NAV2: variants seen among roughly 807,000 people sequenced by gnomAD.
The protein encoded by NAV2 is helicase, APC down-regulated 1.
NAV2 carries 54 observed loss-of-function variants against 223.2 expected under a neutral mutation model. The observed-to-expected ratio is 0.24, with a 90% CI of 0.19 to 0.30. The LOEUF is 0.30. Among genes scored for constraint, NAV2 ranks in the 10% least tolerant of loss-of-function variants. NAV2 has a pLI of 1.00. For synonymous variants in NAV2, 1,279 were observed against 1,239.3 expected (o/e 1.03, Z -0.67); for missense variants, 2,806 against 3,147.5 (o/e 0.89, Z 2.60).
intron 1 of NAV2, among the ~76,000 whole-genome samples, chr11:19,604,302 G>T (rs925355629): frequency 1.3e-5 from 2 of 152,016 alleles, no homozygotes; most frequent in Non-Finnish European, 2.9e-5. Flanking sequence ...GGCTTGGACT[G>T]GGGGGGCATC....
chr11:20,078,798 T>C (rs1006598230), intron 24 of NAV2, among the ~76,000 whole-genome samples: 2 of 152,210 alleles, frequency 1.3e-5, no homozygotes, highest in Non-Finnish European at 2.9e-5. Context: ...TCCTTGTGTA[T>C]CTTGGGGTAA....
At chr11:19,872,010 T>G (rs2062542239) in intron 4 of NAV2, among the ~76,000 whole-genome samples, 1 of 152,152 alleles carries the variant, frequency 6.6e-6, no homozygotes, top group African/African-American at 2.4e-5. Context: ...CTTCTTATAT[T>G]TTTTGGAGGT....
intron 19 of NAV2, among the ~76,000 whole-genome samples, chr11:20,060,675 C>T (rs943665322): frequency 3.3e-5 from 5 of 152,150 alleles, no homozygotes; most frequent in Non-Finnish European, 7.3e-5. Context: ...TGGCAGTCTG[C>T]GAAATGAGGA....
At position 19,664,042 on chromosome 11, in the gene NAV2, C is replaced by T. The variant is rs143983539; in HGVS notation, c.76-168442C>T. ...CACAAGAAGGCCACTATCAACTTAT[C>T]TGTTCTGTTATGTGAAAGGAAGCCT... On this transcript the variant is annotated intron_variant, in intron 1 of 37. Coordinates refer to the NAV2 transcript ENST00000360655. Among the ~76,000 whole-genome samples the T allele has an allele frequency of 4.1e-4, 63 of 152,358 alleles. 1 individual carries two copies. In the East Asian group the frequency reaches 0.012, roughly 28 times the overall value.
chr11:19,691,320 T>C (rs529247071), intron 1 of NAV2, among the ~76,000 whole-genome samples: 6 of 152,244 alleles, frequency 3.9e-5, no homozygotes, highest in Middle Eastern at 3.4e-3. Flanking sequence ...ATATCCAAAA[T>C]ATTCCCATTT....
chr11:19,849,868 G>A (rs183647635), intron 3 of NAV2, among the ~76,000 whole-genome samples: 246 of 152,256 alleles, frequency 1.6e-3, no homozygotes, highest in African/African-American at 5.6e-3. Context: ...GTTGGCCATC[G>A]TTCATTGTCT....
At chr11:19,941,573 T>C (rs1307019746) in intron 8 of NAV2, among the ~76,000 whole-genome samples, 1 of 152,052 alleles carries the variant, frequency 6.6e-6, no homozygotes, top group Non-Finnish European at 1.5e-5. Context: ...TTCTTCCTCT[T>C]ACTTATGCAA....
At chr11:19,527,764 C>T (rs79244686) in intron 1 of NAV2, among the ~76,000 whole-genome samples, 4,094 of 152,274 alleles carry the variant, frequency 0.027, 174 homozygotes, top group African/African-American at 0.094. Flanking sequence ...GGTCCACACA[C>T]TTGGAATGCA....
intron 1 of NAV2, among the ~76,000 whole-genome samples, chr11:19,564,078 C>T (rs2045185552): frequency 6.6e-6 from 1 of 152,152 alleles, no homozygotes; most frequent in South Asian, 2.1e-4. Flanking sequence ...AATCAGGAGC[C>T]CGTCCCCACC....
At chr11:19,804,531 G>T (rs1280499586) in intron 1 of NAV2, among the ~76,000 whole-genome samples, 1 of 152,192 alleles carries the variant, frequency 6.6e-6, no homozygotes, top group East Asian at 1.9e-4. Flanking sequence ...AGCATATTGT[G>T]ATAACCAGGA....
intron 1 of NAV2, among the ~76,000 whole-genome samples, chr11:19,671,046 G>A (rs1327408114): frequency 1.3e-5 from 2 of 152,230 alleles, no homozygotes; most frequent in Non-Finnish European, 2.9e-5. Context: ...CCTCCGGGGT[G>A]CATGCTAAGT....
chr11:19,359,947 GC>G (rs1853837273), intron 1 of NAV2, among the ~76,000 whole-genome samples: 1 of 151,930 alleles, frequency 6.6e-6, no homozygotes, highest in African/African-American at 2.4e-5. Flanking sequence ...GATCCTCATT[GC>G]CCCCACCCAC....
chr11:19,973,678 G>A (rs1395659565), intron 10 of NAV2, among the ~76,000 whole-genome samples: 1 of 152,192 alleles, frequency 6.6e-6, no homozygotes, highest in Non-Finnish European at 1.5e-5. Context: ...ATAGCAAACA[G>A]ACAAGTCTTG....
At chr11:19,851,470 C>T (rs1473511627) in intron 3 of NAV2, among the ~76,000 whole-genome samples, 3 of 152,086 alleles carry the variant, frequency 2.0e-5, no homozygotes, top group East Asian at 3.8e-4. Flanking sequence ...GACCTAGGTT[C>T]CACACACGGG....
intron 1 of NAV2, among the ~76,000 whole-genome samples, chr11:19,525,781 G>C (rs1379686776): frequency 6.6e-6 from 1 of 152,134 alleles, no homozygotes; most frequent in Non-Finnish European, 1.5e-5. Flanking sequence ...GCCTCCTGGA[G>C]ATAACCTACC....
chr11:19,765,386 C>T (rs1217259278), intron 1 of NAV2, among the ~76,000 whole-genome samples: 1 of 150,140 alleles, frequency 6.7e-6, no homozygotes, highest in Non-Finnish European at 1.5e-5. Context: ...TCTTTCCTTC[C>T]TTCCTTCCCT....
intron 1 of NAV2, among the ~76,000 whole-genome samples, chr11:19,714,811 A>G (rs1409381442): frequency 6.6e-6 from 1 of 152,212 alleles, no homozygotes; most frequent in Non-Finnish European, 1.5e-5. Context: ...TACAGAAATT[A>G]GCAAGGGCCA....
chr11:20,111,928 T>C (rs2062672813), intron 36 of NAV2, among the ~76,000 whole-genome samples: 1 of 152,238 alleles, frequency 6.6e-6, no homozygotes, highest in South Asian at 2.1e-4. Flanking sequence ...TGAGGACATG[T>C]TCAGCTCCAG....
At chr11:19,956,379 C>CATACACACACACACACAT (rs879915948) in intron 10 of NAV2, among the ~76,000 whole-genome samples, 6 of 148,756 alleles carry the variant, frequency 4.0e-5, no homozygotes, top group Non-Finnish European at 7.4e-5. Flanking sequence ...CACACACACA[C>CATACACACACACACACAT]ACACACACAC....
Sources: gnomAD v4.1 joint callset for allele counts (sites outside exome capture counted in the v4.1 genomes callset) on GRCh38, gnomAD v4.1.1 for gene constraint, MANE v1.5 for transcripts, NCBI Gene and HGNC (gene_info 2026-07-23, HGNC 2026-07-21) for gene names.